GLIS3: variants seen among roughly 807,000 people sequenced by gnomAD.
GLIS3 encodes the protein zinc finger protein GLIS3.
In GLIS3, 53 loss-of-function variants were observed where a neutral mutation model predicts 78.6. That is an observed-to-expected ratio of 0.67 (90% CI 0.54 to 0.85). The LOEUF is 0.85. Ranked by LOEUF, GLIS3 falls within the 40% of genes least tolerant of loss-of-function variation. GLIS3 has a pLI of 0.00. For missense variants in GLIS3, 1,703 were observed against 1,231.1 expected (o/e 1.38, Z -5.74); for synonymous variants, 684 against 509.9 (o/e 1.34, Z -4.60).
At chr9:4,344,001 C>T (rs1430519143) in intron 2 of GLIS3, among the ~76,000 whole-genome samples, 1 of 152,114 alleles carries the variant, frequency 6.6e-6, no homozygotes. Flanking sequence ...ATAAACTGTA[C>T]ACAAAACTCC....
chr9:3,934,940 T>C (rs1049950160), intron 5 of GLIS3, among the ~76,000 whole-genome samples: 11 of 152,278 alleles, frequency 7.2e-5, no homozygotes, highest in African/African-American at 2.2e-4. Flanking sequence ...ATTTTGTTAT[T>C]TTCCACCTGT....
chr9:3,831,133 A>G (rs974084897), intron 9 of GLIS3, among the ~76,000 whole-genome samples: 6 of 152,046 alleles, frequency 3.9e-5, no homozygotes, highest in Non-Finnish European at 8.8e-5. Flanking sequence ...AGTGCACTTT[A>G]TATAGAATCA....
chr9:3,984,416 A>C (rs1442407007), intron 4 of GLIS3, among the ~76,000 whole-genome samples: 1 of 152,194 alleles, frequency 6.6e-6, no homozygotes, highest in Non-Finnish European at 1.5e-5. Context: ...GAGCTCTAAG[A>C]TTTGACTGCC....
At chr9:4,323,290 C>T (rs1817563584) in intron 2 of GLIS3, among the ~76,000 whole-genome samples, 1 of 152,128 alleles carries the variant, frequency 6.6e-6, no homozygotes, top group African/African-American at 2.4e-5. Context: ...CTGCCTTGGC[C>T]TCCCAAAGTG....
At chr9:3,898,604 A>G (rs773277946) in intron 7 of GLIS3, 87 bp downstream of exon 7, 3 of 1,549,828 alleles carry the variant, frequency 1.9e-6, no homozygotes, top group Non-Finnish European at 2.7e-6. Context: ...TCTTAGGAAA[A>G]TTTTTCTCAC....
chr9:4,129,947 G>A (rs778035718), intron 2 of GLIS3, among the ~76,000 whole-genome samples: 1 of 152,196 alleles, frequency 6.6e-6, no homozygotes, highest in Non-Finnish European at 1.5e-5. Context: ...TCCAGGCTGA[G>A]GAGGTCTCAG....
intron 4 of GLIS3, among the ~76,000 whole-genome samples, chr9:3,948,614 C>G (rs1474462134): frequency 6.6e-6 from 1 of 152,144 alleles, no homozygotes; most frequent in Non-Finnish European, 1.5e-5. Flanking sequence ...AATAATAAGT[C>G]TATGAAAAAT....
chr9:3,992,862 G>T (rs1194472979), intron 4 of GLIS3, among the ~76,000 whole-genome samples: 3 of 152,140 alleles, frequency 2.0e-5, no homozygotes, highest in Non-Finnish European at 4.4e-5. Flanking sequence ...TATCCCTCAG[G>T]AGGTATCATA....
chr9:4,005,495 T>C (rs749997077), intron 4 of GLIS3, among the ~76,000 whole-genome samples: 1 of 152,186 alleles, frequency 6.6e-6, no homozygotes, highest in Non-Finnish European at 1.5e-5. Context: ...TGAGTTCAAA[T>C]TCTGATTCTA....
At chr9:3,962,870 A>G (rs1393011406) in intron 4 of GLIS3, among the ~76,000 whole-genome samples, 3 of 150,856 alleles carry the variant, frequency 2.0e-5, no homozygotes, top group African/African-American at 7.3e-5. Flanking sequence ...CGAAGTCCTG[A>G]ATTGGCAGCC....
the GLIS3 span, among the ~76,000 whole-genome samples, chr9:4,361,386 G>C: frequency 6.6e-6 from 1 of 152,090 alleles, no homozygotes; most frequent in African/African-American, 2.4e-5. Flanking sequence ...TTCTCCTTCT[G>C]ACCAATCTTG....
At chr9:4,382,244 T>C in the GLIS3 span, among the ~76,000 whole-genome samples, 3 of 152,198 alleles carry the variant, frequency 2.0e-5, no homozygotes, top group Non-Finnish European at 2.9e-5. Flanking sequence ...ATATTATTAC[T>C]CTAGGTATTG....
At chr9:4,142,031 A>G (rs1482347422) in intron 2 of GLIS3, among the ~76,000 whole-genome samples, 1 of 152,224 alleles carries the variant, frequency 6.6e-6, no homozygotes, top group African/African-American at 2.4e-5. Flanking sequence ...ACACGGTACC[A>G]GCAATAACTC....
At chr9:4,313,337 C>A (rs148328468) in intron 2 of GLIS3, among the ~76,000 whole-genome samples, 2 of 152,312 alleles carry the variant, frequency 1.3e-5, no homozygotes, top group African/African-American at 2.4e-5. Context: ...GCTGCTCCCT[C>A]TTCAGCCATT....
In GLIS3 at chr9:4,291,710, C is replaced by T. The variant is rs144534356; in HGVS notation, c.-98-5187G>A. On this transcript the variant is annotated intron_variant, in intron 1 of 10. Coordinates refer to ENST00000381971, the MANE Select transcript of GLIS3 (RefSeq NM_001042413.2). ...TAAAAATCAGAAGCAGCATTGAGAG[C>T]CTTCCACACAGTGATAATGGCTACA... Among the ~76,000 whole-genome samples the T allele has an allele frequency of 1.6e-3, 243 of 152,218 alleles. 1 individual carries two copies. The highest frequency in any genetic ancestry group is 5.5e-3 in the African/African-American group (227 of 41,550).
At chr9:4,440,978 C>T in the GLIS3 span, among the ~76,000 whole-genome samples, 1 of 151,726 alleles carries the variant, frequency 6.6e-6, no homozygotes, top group African/African-American at 2.4e-5. Flanking sequence ...TATAGGAACA[C>T]TCCTGATTTT....
At chr9:3,955,092 C>A (rs1046281777) in intron 4 of GLIS3, among the ~76,000 whole-genome samples, 1 of 152,126 alleles carries the variant, frequency 6.6e-6, no homozygotes, top group African/African-American at 2.4e-5. Flanking sequence ...AGAGCATAGG[C>A]TGGAGTTAGT....
intron 2 of GLIS3, among the ~76,000 whole-genome samples, chr9:4,218,033 A>T (rs1247493212): frequency 6.6e-6 from 1 of 152,232 alleles, no homozygotes; most frequent in Non-Finnish European, 1.5e-5. Context: ...TCTGCTACAA[A>T]AGAGATAGCA....
At chr9:4,469,379 G>C in the GLIS3 span, among the ~76,000 whole-genome samples, 11 of 152,056 alleles carry the variant, frequency 7.2e-5, no homozygotes, top group African/African-American at 2.2e-4. Flanking sequence ...TGACCACATA[G>C]TTGGAAGTAA....
Sources: gnomAD v4.1 joint callset for allele counts (sites outside exome capture counted in the v4.1 genomes callset) on GRCh38, gnomAD v4.1.1 for gene constraint, MANE v1.5 for transcripts, NCBI Gene and HGNC (gene_info 2026-07-23, HGNC 2026-07-21) for gene names.